The following RAB3C variants were observed in gnomAD, a reference collection of about 807,000 sequenced individuals.
The protein encoded by RAB3C is RAB3C, member RAS oncogene family.
RAB3C carries 17 observed loss-of-function variants against 26.4 expected under a neutral mutation model. That is an observed-to-expected ratio of 0.64 (90% confidence interval 0.44 to 0.97). RAB3C has a LOEUF of 0.97. RAB3C is among the 50% of genes least tolerant of loss of function. The probability of loss-of-function intolerance (pLI) is 0.00; values close to 1 mark genes in which losing one functional copy is unlikely to be tolerated. For synonymous variants in RAB3C, 91 were observed against 95.9 expected (o/e 0.95, Z 0.30); for missense variants, 242 against 281.9 (o/e 0.86, Z 1.01).
intron 2 of RAB3C, among the ~76,000 whole-genome samples, chr5:58,640,041 T>C (rs1259927660): frequency 6.6e-6 from 1 of 152,186 alleles, no homozygotes; most frequent in Non-Finnish European, 1.5e-5. Flanking sequence ...ATAAAGGGAA[T>C]CTACTGCACA....
intron 1 of RAB3C, among the ~76,000 whole-genome samples, chr5:58,589,331 AT>A (rs1413859038): frequency 6.6e-6 from 1 of 151,802 alleles, no homozygotes; most frequent in Non-Finnish European, 1.5e-5. Context: ...TTTGTTAAGT[AT>A]TTTTTTGCAT....
chr5:58,606,094 G>A (rs958823552), intron 1 of RAB3C, among the ~76,000 whole-genome samples: 1 of 152,170 alleles, frequency 6.6e-6, no homozygotes, highest in South Asian at 2.1e-4. Flanking sequence ...GCAGGGTGGG[G>A]CATCACCTCA....
At chr5:58,710,224 C>G (rs1749028540) in intron 2 of RAB3C, among the ~76,000 whole-genome samples, 1 of 152,066 alleles carries the variant, frequency 6.6e-6, no homozygotes, top group Non-Finnish European at 1.5e-5. Flanking sequence ...ATTTTAAAAG[C>G]AACTAATAAG....
At chr5:58,837,560 T>C (rs1743778301) in intron 4 of RAB3C, among the ~76,000 whole-genome samples, 2 of 147,462 alleles carry the variant, frequency 1.4e-5, no homozygotes, top group African/African-American at 4.9e-5. Context: ...AGTCTCTCTT[T>C]TTTTTTTTTT....
chr5:58,803,526 T>C (rs1561135624), intron 3 of RAB3C, among the ~76,000 whole-genome samples: 1 of 152,144 alleles, frequency 6.6e-6, no homozygotes, highest in Non-Finnish European at 1.5e-5. Context: ...TCTGTAAAAA[T>C]AAAAATAAAT....
At chr5:58,847,710 C>T (rs1195277236) in intron 4 of RAB3C, among the ~76,000 whole-genome samples, 1 of 152,158 alleles carries the variant, frequency 6.6e-6, no homozygotes, top group African/African-American at 2.4e-5. Context: ...ATTTTCTAAA[C>T]ATCCCTGTAC....
chr5:58,747,255 G>A (rs1334012328), intron 3 of RAB3C, among the ~76,000 whole-genome samples: 1 of 152,104 alleles, frequency 6.6e-6, no homozygotes, highest in Non-Finnish European at 1.5e-5. Context: ...ACTATAAACT[G>A]TCCAGTTAAA....
intron 3 of RAB3C, among the ~76,000 whole-genome samples, chr5:58,745,059 C>G (rs1741365836): frequency 6.6e-6 from 1 of 151,984 alleles, no homozygotes; most frequent in Non-Finnish European, 1.5e-5. Context: ...TTTCATGTCA[C>G]CCTCTGATTT....
intron 3 of RAB3C, among the ~76,000 whole-genome samples, chr5:58,813,592 TTATATATATATATATATATATATATA>T (rs869039335): frequency 8.4e-5 from 4 of 47,816 alleles, no homozygotes; most frequent in African/African-American, 1.3e-4. Context: ...ATATTTATAT[TTATATATATATATATATATATATATA>T]TATATATATA....
chr5:58,760,544 A>G (rs1741775509), intron 3 of RAB3C, among the ~76,000 whole-genome samples: 1 of 152,212 alleles, frequency 6.6e-6, no homozygotes, highest in African/African-American at 2.4e-5. Context: ...TCACCAAAAC[A>G]CTTAACTGAA....
rs558213341 is a variant in RAB3C at position 58,685,866 on chromosome 5, T to G, written c.253-40136T>G. ...GGAAAAAACGTAGATATAGAAAGTG[T>G]TCACCTTTCAGAGATGGACGCATAG... On this transcript the variant is annotated intron_variant, in intron 2 of 4. Coordinates refer to ENST00000282878, the MANE Select transcript of RAB3C (RefSeq NM_138453.4). Among the ~76,000 whole-genome samples, 256 of 152,294 alleles carry G rather than the reference T, an allele frequency of 1.7e-3. 1 individual carries two copies. The highest frequency in any genetic ancestry group is 6.0e-3 in the African/African-American group (249 of 41,572).
intron 3 of RAB3C, among the ~76,000 whole-genome samples, chr5:58,726,493 G>T (rs1172651877): frequency 6.6e-6 from 1 of 151,890 alleles, no homozygotes; most frequent in Non-Finnish European, 1.5e-5. Flanking sequence ...CTGGCCCACT[G>T]CTTGTTTAGT....
chr5:58,838,141 G>A (rs76497006), intron 4 of RAB3C, among the ~76,000 whole-genome samples: 9,027 of 152,176 alleles, frequency 0.059, 368 homozygotes, highest in East Asian at 0.13. Flanking sequence ...AGTACTTTGG[G>A]AGGCCAAGGC....
chr5:58,846,714 A>T (rs933504570), intron 4 of RAB3C, among the ~76,000 whole-genome samples: 2 of 151,962 alleles, frequency 1.3e-5, no homozygotes, highest in Non-Finnish European at 2.9e-5. Context: ...GTGAACCTCC[A>T]ATCCTATGAA....
chr5:58,822,302 C>A (rs1484854436), intron 3 of RAB3C, among the ~76,000 whole-genome samples: 8 of 152,220 alleles, frequency 5.3e-5, no homozygotes, highest in Admixed American at 5.2e-4. Flanking sequence ...GCTGAGTGAT[C>A]TTGGGCAATT....
chr5:58,763,409 A>G lies in RAB3C; in HGVS notation c.371+37289A>G, dbSNP rs1416332420. On this transcript the variant is annotated intron_variant, in intron 3 of 4. Coordinates refer to ENST00000282878, the MANE Select transcript of RAB3C (RefSeq NM_138453.4). ...TTCTTTCCAGTAATATGACTTTTTA[A>G]AAGGAAGATCTCCAAAAATGCTTTT... 2.6e-5 allele frequency among the ~76,000 whole-genome samples: 4 copies of G among 152,268 alleles called. No individual in the cohort carries two copies. The East Asian group carries it at 5.8e-4, about 22-fold the overall frequency.
At chr5:58,766,720 A>T (rs1196076777) in intron 3 of RAB3C, among the ~76,000 whole-genome samples, 3 of 152,146 alleles carry the variant, frequency 2.0e-5, no homozygotes, top group Admixed American at 6.5e-5. Flanking sequence ...AGGTAGATAG[A>T]GCTCAGCTAA....
chr5:58,710,215 T>C (rs886623655), intron 2 of RAB3C, among the ~76,000 whole-genome samples: 4 of 152,194 alleles, frequency 2.6e-5, no homozygotes, highest in African/African-American at 9.7e-5. Context: ...TGAAATATTA[T>C]TTTAAAAGCA....
chr5:58,707,698 A>C (rs1476423423), intron 2 of RAB3C, among the ~76,000 whole-genome samples: 1 of 152,190 alleles, frequency 6.6e-6, no homozygotes, highest in Non-Finnish European at 1.5e-5. Flanking sequence ...ACACATTCCC[A>C]GACTCAGCTG....
Sources: gnomAD v4.1 joint callset for allele counts (sites outside exome capture counted in the v4.1 genomes callset) on GRCh38, gnomAD v4.1.1 for gene constraint, MANE v1.5 for transcripts, NCBI Gene and HGNC (gene_info 2026-07-23, HGNC 2026-07-21) for gene names.